WDPCP: variants seen among roughly 807,000 people sequenced by gnomAD.
WDPCP encodes WD repeat-containing and planar cell polarity effector protein fritz homolog.
In WDPCP, 71 loss-of-function variants were observed where a neutral mutation model predicts 93.1. The observed-to-expected ratio is 0.76, with a 90% CI of 0.63 to 0.93. WDPCP has a LOEUF of 0.93. WDPCP is among the 40% of genes least tolerant of loss of function. The pLI is 0.00. For missense variants in WDPCP, 844 were observed against 887.4 expected, an observed-to-expected ratio of 0.95 and a Z score of 0.62; for synonymous variants, 315 against 315.0, an observed-to-expected ratio of 1.00 and a Z score of 0.00.
intron 1 of WDPCP, among the ~76,000 whole-genome samples, chr2:63,528,993 A>C (rs1387890024): frequency 2.0e-5 from 3 of 152,142 alleles, no homozygotes; most frequent in Non-Finnish European, 4.4e-5. Flanking sequence ...ATGGGAGTTC[A>C]CTCATGATTT....
At chr2:63,268,763 A>ATAAG (rs1682375141) in intron 13 of WDPCP, among the ~76,000 whole-genome samples, 1 of 152,164 alleles carries the variant, frequency 6.6e-6, no homozygotes, top group Non-Finnish European at 1.5e-5. Context: ...GATTACAGGC[A>ATAAG]TAAGTCACTG....
intron 2 of WDPCP, among the ~76,000 whole-genome samples, chr2:63,731,072 A>C (rs1301090858): frequency 6.6e-6 from 1 of 152,022 alleles, no homozygotes; most frequent in Non-Finnish European, 1.5e-5. Flanking sequence ...AGATCGAGAC[A>C]ATCCTGGCAA....
intron 1 of WDPCP, among the ~76,000 whole-genome samples, chr2:63,552,102 T>TTTTTTTTTTTTTTTTTTTTTTTTTTTG (rs1558796702): frequency 5.3e-5 from 6 of 113,940 alleles, no homozygotes; most frequent in African/African-American, 1.4e-4. Flanking sequence ...CTGCTTTCTT[T>TTTTTTTTTTTTTTTTTTTTTTTTTTTG]AAAACAATAT....
intron 3 of WDPCP, among the ~76,000 whole-genome samples, chr2:63,634,236 C>G (rs1215642288): frequency 2.6e-5 from 4 of 151,994 alleles, no homozygotes; most frequent in African/African-American, 9.7e-5. Context: ...CAAATGGAAA[C>G]TGAAAGAGAG....
intron 2 of WDPCP, among the ~76,000 whole-genome samples, chr2:63,489,301 G>A (rs549083186): frequency 6.6e-6 from 1 of 152,214 alleles, no homozygotes; most frequent in Admixed American, 6.6e-5. Flanking sequence ...TGAACCCTAT[G>A]GTGGTAGATA....
chr2:63,641,258 T>C (rs1050742200), intron 3 of WDPCP, among the ~76,000 whole-genome samples: 1 of 152,252 alleles, frequency 6.6e-6, no homozygotes, highest in Non-Finnish European at 1.5e-5. Flanking sequence ...TTGGCTATTG[T>C]GAACAGTGCT....
intron 17 of WDPCP, among the ~76,000 whole-genome samples, chr2:63,131,877 C>T (rs148380371): frequency 0.01 from 1,526 of 149,408 alleles, 24 homozygotes; most frequent in African/African-American, 0.037. Context: ...GCTCTGTCTC[C>T]CAGGTTGGAG....
chr2:63,581,079 A>G (rs576557824), intron 1 of WDPCP, among the ~76,000 whole-genome samples: 242 of 152,330 alleles, frequency 1.6e-3, no homozygotes, highest in Middle Eastern at 0.01. Flanking sequence ...TAAAAAAAAT[A>G]GCTGAGCTTG....
intron 2 of WDPCP, among the ~76,000 whole-genome samples, chr2:63,701,277 A>C (rs192691717): frequency 8.0e-4 from 122 of 152,356 alleles, no homozygotes; most frequent in African/African-American, 2.6e-3. Flanking sequence ...GCTAGTCATC[A>C]GAGAAATGCA....
At chr2:63,840,387 C>G in the WDPCP span, among the ~76,000 whole-genome samples, 1 of 152,190 alleles carries the variant, frequency 6.6e-6, no homozygotes, top group Non-Finnish European at 1.5e-5. Flanking sequence ...GCCAGTTCCA[C>G]GTTGAAGAGA....
chr2:63,474,356 T>C (rs1030555737), intron 6 of WDPCP, among the ~76,000 whole-genome samples: 2 of 152,080 alleles, frequency 1.3e-5, no homozygotes, highest in African/African-American at 2.4e-5. Context: ...TCTGCACTAA[T>C]TGGCAGACAT....
At chr2:63,574,349 A>T (rs565629565) in intron 1 of WDPCP, among the ~76,000 whole-genome samples, 1 of 152,304 alleles carries the variant, frequency 6.6e-6, no homozygotes, top group East Asian at 1.9e-4. Flanking sequence ...GGGAAGATAG[A>T]AAAGAACCTA....
chr2:63,579,986 CT>C (rs1281562216), intron 1 of WDPCP, among the ~76,000 whole-genome samples: 3 of 152,168 alleles, frequency 2.0e-5, no homozygotes, highest in Non-Finnish European at 4.4e-5. Flanking sequence ...GTTCAGCCCC[CT>C]TCCTCTCTGT....
chr2:63,233,248 G>A (rs1679092007), intron 14 of WDPCP: 1 of 170,944 alleles, frequency 5.8e-6, no homozygotes, highest in Non-Finnish European at 1.2e-5. Flanking sequence ...TCCCAAATTA[G>A]TTGCAAAATA....
At chr2:63,479,768 C>T (rs1700163059) in intron 6 of WDPCP, among the ~76,000 whole-genome samples, 1 of 152,002 alleles carries the variant, frequency 6.6e-6, no homozygotes. Context: ...AGGATGCTGA[C>T]CCTCAACACT....
intron 3 of WDPCP, among the ~76,000 whole-genome samples, chr2:63,639,595 C>T (rs565515691): frequency 1.3e-5 from 2 of 152,252 alleles, no homozygotes; most frequent in South Asian, 4.2e-4. Flanking sequence ...ATGGCAAGTC[C>T]TCACTTCTTA....
chr2:63,838,711 C>A, the WDPCP span, among the ~76,000 whole-genome samples: 3 of 152,180 alleles, frequency 2.0e-5, no homozygotes, highest in African/African-American at 7.2e-5. Context: ...ATTAAAGATA[C>A]ACATACTTGC....
At chr2:63,588,556 A>G, upstream of WDPCP, 1 of 572,022 alleles carries the variant, frequency 1.7e-6, no homozygotes, top group South Asian at 2.0e-5. Flanking sequence ...ACGCAGCGGA[A>G]GGTCTCTTTA....
At chr2:63,772,177 C>A (rs983904628) in intron 2 of WDPCP, among the ~76,000 whole-genome samples, 2 of 151,966 alleles carry the variant, frequency 1.3e-5, no homozygotes, top group Admixed American at 1.3e-4. Context: ...TATAAGCATT[C>A]CCTTTTCTCT....
Sources: allele counts gnomAD v4.1 joint callset (sites outside exome capture counted in the v4.1 genomes callset), GRCh38; gene constraint gnomAD v4.1.1; transcripts MANE v1.5; gene names NCBI Gene and HGNC (gene_info 2026-07-23, HGNC 2026-07-21).